Variants in TLN2 observed in about 807,000 individuals in gnomAD.
The protein encoded by TLN2 is talin 2, also known as talin-2.
In TLN2, 118 loss-of-function variants were observed where a neutral mutation model predicts 294.7. That is an observed-to-expected ratio of 0.40 (90% confidence interval 0.34 to 0.47). The LOEUF is 0.47. Among genes scored for constraint, TLN2 ranks in the 20% least tolerant of loss-of-function variants. TLN2 has a pLI of 0.84. For missense variants in TLN2, 3,083 were observed against 3,282.2 expected (o/e 0.94, Z 1.48); for synonymous variants, 1,431 against 1,304.5 (o/e 1.10, Z -2.09).
chr15:62,416,456 A>G lies in TLN2; in HGVS notation c.-238+25771A>G, dbSNP rs557223122. Reference sequence around the variant, plus strand: ...ACAGGCAATCTGCTAAAGGAATTGCAGAAAGGGAAAGAAATATTGCTCTTT... The same window carrying G: ...ACAGGCAATCTGCTAAAGGAATTGCGGAAAGGGAAAGAAATATTGCTCTTT... On this transcript the variant is annotated intron_variant, in intron 1 of 58. Transcript: ENST00000636159. Among the ~76,000 whole-genome samples the G allele has an allele frequency of 9.8e-5, 15 of 152,362 alleles. 1 individual carries two copies. In the South Asian group the frequency reaches 1.9e-3, roughly 19 times the overall value.
intron 1 of TLN2, among the ~76,000 whole-genome samples, chr15:62,527,574 T>C (rs2040809209): frequency 6.6e-6 from 1 of 152,206 alleles, no homozygotes; most frequent in Non-Finnish European, 1.5e-5. Context: ...TTCCCAAAGA[T>C]GGACATGCCT....
rs559389171 is a variant in TLN2, at chr15:62,672,080, C to G, written c.789-1747C>G. On this transcript the variant is annotated intron_variant, in intron 9 of 58. Transcript: ENST00000636159. ...AAATCCATCAATCTATTAAAAAGTT[C>G]CCGATCAAGTTGTTATTTTTTTGTC... Among the ~76,000 whole-genome samples the G allele has an allele frequency of 1.4e-4, 21 of 152,218 alleles. No homozygotes were observed. The South Asian group carries it at 1.5e-3, about 11-fold the overall frequency.
Position 62,833,319 on chromosome 15 carries a change from C to T in TLN2, c.7003-185C>T, listed in dbSNP as rs984593527. The T allele has an allele frequency of 5.7e-6, 5 of 872,934 alleles. No individual in the cohort carries two copies. The African/African-American group carries it at 6.8e-5, about 12-fold the overall frequency. 54.1% of individuals were successfully genotyped at this position (872,934 alleles called of 1,614,324 possible). A position where few individuals can be genotyped will look rare whatever the true frequency, so the allele number is the denominator to read the frequency against. On this transcript the variant is annotated intron_variant, in intron 54 of 58. Transcript: ENST00000636159. ...GCTTAACCAAACTGACTTAAGAGTC[C>T]TGAAAGTTTGCACAGGGGACCTGTC...
intron 29 of TLN2, among the ~76,000 whole-genome samples, chr15:62,737,500 G>A (rs1356988200): frequency 2.6e-5 from 4 of 152,116 alleles, no homozygotes; most frequent in South Asian, 2.1e-4. Context: ...ATGATTCTTC[G>A]ACTGCCTGAT....
At chr15:62,427,444 G>C (rs1356413553) in intron 1 of TLN2, among the ~76,000 whole-genome samples, 1 of 152,198 alleles carries the variant, frequency 6.6e-6, no homozygotes. Context: ...GTGACTTGGA[G>C]TGAGCCCCCC....
intron 1 of TLN2, among the ~76,000 whole-genome samples, chr15:62,469,395 A>G (rs1378805023): frequency 6.6e-6 from 1 of 152,244 alleles, no homozygotes; most frequent in Non-Finnish European, 1.5e-5. Context: ...GTGTGGATTT[A>G]TAAATTCAGT....
intron 54 of TLN2, among the ~76,000 whole-genome samples, chr15:62,826,447 CT>C (rs768700308): frequency 2.0e-4 from 30 of 152,310 alleles, no homozygotes; most frequent in South Asian, 6.2e-4. Flanking sequence ...CCCATTTTGC[CT>C]GTTTAAGGTC....
intron 1 of TLN2, among the ~76,000 whole-genome samples, chr15:62,502,771 A>T (rs560650520): frequency 6.6e-6 from 1 of 152,326 alleles, no homozygotes; most frequent in East Asian, 1.9e-4. Flanking sequence ...CACTTGTAAG[A>T]ATGCAAGTGA....
intron 41 of TLN2, 64 bp from the exon 42 acceptor site, chr15:62,770,900 G>GC: frequency 6.5e-7 from 1 of 1,539,606 alleles, no homozygotes; most frequent in Non-Finnish European, 8.7e-7. Flanking sequence ...TGACTGTGGA[G>GC]CCCCTGAAGG....
At chr15:62,750,253 C>A (rs1274924997) in intron 33 of TLN2, 149 bp from the exon 34 acceptor site, 4 of 672,684 alleles carry the variant, frequency 5.9e-6, no homozygotes, top group African/African-American at 3.6e-5. Context: ...AGTCATGATA[C>A]CATGATGTAA....
At chr15:62,527,974 A>T (rs1222574260) in intron 1 of TLN2, among the ~76,000 whole-genome samples, 1 of 152,254 alleles carries the variant, frequency 6.6e-6, no homozygotes, top group African/African-American at 2.4e-5. Context: ...AAATATAAAA[A>T]ATACTTTAAA....
rs150096125 is a variant in TLN2 at position 62,762,312 on chromosome 15, C to T, written c.4820C>T (p.Thr1607Ile). The T allele has an allele frequency of 6.1e-4, 981 of 1,614,104 alleles. 1 individual carries two copies. The highest frequency in any genetic ancestry group is 7.9e-4 in the Non-Finnish European group (935 of 1,180,048). Residue 1607 changes from threonine to isoleucine, a missense_variant, in exon 39 of 59, where the codon ACC becomes ATC. Coordinates refer to ENST00000636159, the MANE Select transcript of TLN2 (RefSeq NM_015059.3). ...AQEPILVSAK[T>I]MLESSSYLIR... ...GAACCAATCCTGGTCTCAGCCAAGA[C>T]CATGCTGGAGAGTTCATCGTACCTC...
intron 37 of TLN2, among the ~76,000 whole-genome samples, chr15:62,760,077 T>C (rs553021955): frequency 6.6e-6 from 1 of 152,304 alleles, no homozygotes; most frequent in African/African-American, 2.4e-5. Context: ...AATGAGGCTT[T>C]ATATGTGAGC....
chr15:62,600,253 C>A (rs2046877554), intron 2 of TLN2, among the ~76,000 whole-genome samples: 1 of 152,176 alleles, frequency 6.6e-6, no homozygotes, highest in Non-Finnish European at 1.5e-5. Flanking sequence ...GCGACTTGGG[C>A]TCTTTCCAGG....
At chr15:62,781,084 G>T (rs752688888) in intron 43 of TLN2, 56 bp from the exon 44 acceptor site, 3 of 1,347,584 alleles carry the variant, frequency 2.2e-6, no homozygotes, top group Non-Finnish European at 3.2e-6. Flanking sequence ...CGTAAATACA[G>T]TCTACACTTC....
At chr15:62,516,236 G>A (rs1227391824) in intron 1 of TLN2, among the ~76,000 whole-genome samples, 2 of 152,212 alleles carry the variant, frequency 1.3e-5, no homozygotes, top group African/African-American at 4.8e-5. Context: ...AAAGAAGACA[G>A]TGTGCTCACA....
rs374326964 is a variant in TLN2 at position 62,781,362 on chromosome 15, A to G, written c.5616+121A>G. ...AGCCCAGACCACTCTCTAGTCCCTCAGGGGCTCCAGCTTCTGTCCTTTATC... is the reference window on the plus strand; with the variant it reads ...AGCCCAGACCACTCTCTAGTCCCTCGGGGGCTCCAGCTTCTGTCCTTTATC... On this transcript the variant is annotated intron_variant, in intron 44 of 58. Coordinates refer to ENST00000636159, the MANE Select transcript of TLN2 (RefSeq NM_015059.3). 41 of 686,284 alleles carry G rather than the reference A, an allele frequency of 6.0e-5. No homozygotes were observed. In the African/African-American group the frequency reaches 6.6e-4, roughly 11 times the overall value. 42.5% of individuals were successfully genotyped at this position (686,284 alleles called of 1,614,324 possible).
At chr15:62,451,304 C>A (rs374677201) in intron 1 of TLN2, among the ~76,000 whole-genome samples, 1 of 152,092 alleles carries the variant, frequency 6.6e-6, no homozygotes, top group Non-Finnish European at 1.5e-5. Context: ...GTGGCAGTCT[C>A]GCCAGGTCAG....
At chr15:62,760,175 TG>T (rs757588996) in intron 37 of TLN2, among the ~76,000 whole-genome samples, 71 of 152,160 alleles carry the variant, frequency 4.7e-4, no homozygotes, top group African/African-American at 1.4e-3. Context: ...GCCTGTCTGG[TG>T]GGGGAAGGGC....
Sources: allele counts gnomAD v4.1 joint callset (sites outside exome capture counted in the v4.1 genomes callset), GRCh38; gene constraint gnomAD v4.1.1; transcripts MANE v1.5; gene names NCBI Gene and HGNC (gene_info 2026-07-23, HGNC 2026-07-21).